The following PTPRG variants were observed in gnomAD, a reference collection of about 807,000 sequenced individuals.
The protein encoded by PTPRG is receptor-type tyrosine-protein phosphatase gamma.
In PTPRG, 102 loss-of-function variants were observed where a neutral mutation model predicts 165.3. That is an observed-to-expected ratio of 0.62 (90% CI 0.53 to 0.73). PTPRG has a LOEUF of 0.73. PTPRG is among the 30% of genes least tolerant of loss of function. The pLI is 0.00. For synonymous variants in PTPRG, 675 were observed against 669.5 expected (o/e 1.01, Z -0.13); for missense variants, 1,866 against 1,861.4 (o/e 1.00, Z -0.05).
intron 1 of PTPRG, among the ~76,000 whole-genome samples, chr3:61,660,398 A>G (rs548714434): frequency 6.6e-6 from 1 of 152,242 alleles, no homozygotes; most frequent in East Asian, 1.9e-4. Flanking sequence ...TCTTTTTTTG[A>G]CCAGGAGGTA....
intron 1 of PTPRG, among the ~76,000 whole-genome samples, chr3:61,567,239 A>G (rs1207459395): frequency 6.6e-6 from 1 of 152,164 alleles, no homozygotes; most frequent in Non-Finnish European, 1.5e-5. Context: ...AGCTTGATCT[A>G]GGTTAAGCAG....
intron 4 of PTPRG, among the ~76,000 whole-genome samples, chr3:62,057,195 G>A (rs1419714432): frequency 1.3e-5 from 2 of 152,126 alleles, no homozygotes; most frequent in Non-Finnish European, 2.9e-5. Flanking sequence ...GGAAAGGCAG[G>A]GATGGTTAAC....
At chr3:61,567,331 G>T (rs550896394) in intron 1 of PTPRG, among the ~76,000 whole-genome samples, 1 of 152,116 alleles carries the variant, frequency 6.6e-6, no homozygotes, top group African/African-American at 2.4e-5. Flanking sequence ...CTTCTTGTGG[G>T]ATTTGGCAAT....
intron 5 of PTPRG, among the ~76,000 whole-genome samples, chr3:62,112,779 G>A (rs536966329): frequency 5.9e-5 from 9 of 152,312 alleles, no homozygotes; most frequent in Admixed American, 2.6e-4. Flanking sequence ...TCCCTAAGAT[G>A]TATGTACGTT....
intron 2 of PTPRG, among the ~76,000 whole-genome samples, chr3:61,895,276 G>A (rs2038322982): frequency 6.6e-6 from 1 of 152,190 alleles, no homozygotes; most frequent in East Asian, 1.9e-4. Context: ...GATGCAGGGT[G>A]TTTCTTGGAC....
At chr3:61,648,443 A>G (rs1702264502) in intron 1 of PTPRG, among the ~76,000 whole-genome samples, 1 of 152,120 alleles carries the variant, frequency 6.6e-6, no homozygotes, top group African/African-American at 2.4e-5. Context: ...CAGGCTACAC[A>G]TTTTCACCCG....
chr3:61,959,973 A>G (rs1049164471), intron 2 of PTPRG, among the ~76,000 whole-genome samples: 2 of 152,050 alleles, frequency 1.3e-5, no homozygotes, highest in African/African-American at 2.4e-5. Context: ...GCTTCTGTTC[A>G]TGCTGTTCCA....
intron 2 of PTPRG, among the ~76,000 whole-genome samples, chr3:61,816,253 G>A (rs1311780788): frequency 6.6e-6 from 1 of 152,198 alleles, no homozygotes; most frequent in Non-Finnish European, 1.5e-5. Flanking sequence ...AAAAAGGCTG[G>A]ACGTGGTGGC....
intron 2 of PTPRG, among the ~76,000 whole-genome samples, chr3:61,859,189 T>G (rs1394749108): frequency 6.6e-6 from 1 of 152,186 alleles, no homozygotes; most frequent in Non-Finnish European, 1.5e-5. Context: ...TTTAAAGCTT[T>G]TATTAATGCT....
chr3:61,820,225 C>T (rs1394873265), intron 2 of PTPRG, among the ~76,000 whole-genome samples: 1 of 152,066 alleles, frequency 6.6e-6, no homozygotes, highest in Non-Finnish European at 1.5e-5. Flanking sequence ...AGCTAGAGAC[C>T]CAGGAGAGCC....
chr3:61,586,181 G>A (rs1700429267), intron 1 of PTPRG, among the ~76,000 whole-genome samples: 1 of 151,928 alleles, frequency 6.6e-6, no homozygotes, highest in South Asian at 2.1e-4. Context: ...CTCTGATTGA[G>A]TAGACCTTTT....
intron 1 of PTPRG, among the ~76,000 whole-genome samples, chr3:61,618,575 G>A (rs947064751): frequency 6.6e-6 from 1 of 152,120 alleles, no homozygotes; most frequent in African/African-American, 2.4e-5. Flanking sequence ...GTTTGCAGAA[G>A]TTTAGCAGTG....
chr3:61,702,009 C>T (rs1042831996), intron 1 of PTPRG, among the ~76,000 whole-genome samples: 2 of 152,128 alleles, frequency 1.3e-5, no homozygotes, highest in African/African-American at 4.8e-5. Context: ...GACAGGGTCT[C>T]ACTCTGTTGC....
chr3:61,605,514 C>T (rs1700977917), intron 1 of PTPRG, among the ~76,000 whole-genome samples: 2 of 152,028 alleles, frequency 1.3e-5, no homozygotes, highest in Non-Finnish European at 2.9e-5. Context: ...CTTTGGCCTC[C>T]CAAAGTGCTA....
At chr3:62,067,641 C>T (rs775244770) in intron 4 of PTPRG, among the ~76,000 whole-genome samples, 30 of 152,122 alleles carry the variant, frequency 2.0e-4, no homozygotes, top group East Asian at 7.7e-4. Context: ...TGGGAGACAG[C>T]GACAGATCAT....
intron 1 of PTPRG, among the ~76,000 whole-genome samples, chr3:61,731,031 A>C (rs1011434765): frequency 6.6e-6 from 1 of 151,658 alleles, no homozygotes; most frequent in South Asian, 2.1e-4. Flanking sequence ...ACACTGTTCT[A>C]CTCTTTCTGC....
chr3:61,990,479 G>A (rs1358281569), intron 3 of PTPRG, among the ~76,000 whole-genome samples: 3 of 152,190 alleles, frequency 2.0e-5, no homozygotes, highest in Non-Finnish European at 2.9e-5. Flanking sequence ...ATGCAGCATC[G>A]TCTTTTTACC....
At chr3:61,621,590 C>T (rs1701459595) in intron 1 of PTPRG, among the ~76,000 whole-genome samples, 1 of 152,132 alleles carries the variant, frequency 6.6e-6, no homozygotes, top group Admixed American at 6.5e-5. Context: ...TCCTTAACTC[C>T]TTCACTCTTT....
chr3:62,287,265 C>T (rs989699258), intron 28 of PTPRG, among the ~76,000 whole-genome samples: 1 of 152,012 alleles, frequency 6.6e-6, no homozygotes, highest in African/African-American at 2.4e-5. Context: ...AAAATCAGTA[C>T]AAATGACTTT....
Sources: gnomAD v4.1 joint callset for allele counts (sites outside exome capture counted in the v4.1 genomes callset) on GRCh38, gnomAD v4.1.1 for gene constraint, MANE v1.5 for transcripts, NCBI Gene and HGNC (gene_info 2026-07-23, HGNC 2026-07-21) for gene names.